FAM120B: variants seen among roughly 807,000 people sequenced by gnomAD.
FAM120B encodes the protein constitutive coactivator of peroxisome proliferator-activated receptor gamma.
Under a neutral mutation model 96.3 loss-of-function variants are expected in FAM120B, and 83 were observed. The observed-to-expected ratio is 0.86, with a 90% CI of 0.72 to 1.03. The LOEUF (loss-of-function observed/expected upper bound fraction) is 1.03, where lower values mean the gene tolerates loss of function less well. Among genes scored for constraint, FAM120B ranks in the 50% least tolerant of loss-of-function variants. The pLI is 0.00. For synonymous variants in FAM120B, 407 were observed against 402.7 expected, an observed-to-expected ratio of 1.01 and a Z score of -0.13; for missense variants, 1,027 against 1,121.2, an observed-to-expected ratio of 0.92 and a Z score of 1.20.
At chr6:170,375,264 A>G (rs1382592569) in intron 6 of FAM120B, among the ~76,000 whole-genome samples, 5 of 152,280 alleles carry the variant, frequency 3.3e-5, no homozygotes, top group African/African-American at 1.2e-4. Context: ...GTAATCACAC[A>G]GCACATAGGC....
intron 5 of FAM120B, among the ~76,000 whole-genome samples, chr6:170,348,994 A>T (rs1787400538): frequency 6.6e-6 from 1 of 152,162 alleles, no homozygotes; most frequent in Admixed American, 6.5e-5. Flanking sequence ...CATTAGCTTT[A>T]TATGTAGTTT....
At chr6:170,392,652 C>T (rs1562595982) in intron 8 of FAM120B, among the ~76,000 whole-genome samples, 1 of 152,228 alleles carries the variant, frequency 6.6e-6, no homozygotes, top group Non-Finnish European at 1.5e-5. Context: ...TAGGAGAACT[C>T]AGCCCAGATT....
chr6:170,404,935 T>C lies in FAM120B; in HGVS notation c.*184T>C, dbSNP rs994259251. 9.4e-5 allele frequency: 26 copies of C among 275,622 alleles called. No homozygotes were observed. Among genetic ancestry groups the C allele is most frequent in the Non-Finnish European group, 1.6e-4 (23 of 147,178 alleles). The allele number at this position is 275,622 out of a possible 1,614,324, so 17.1% of individuals were successfully genotyped here. ...CCCTCCCATTGTGCAGAAGAGCTTT[T>C]GTTGGCTTCTCTCCCGAGCTTGTGC... On this transcript the variant is annotated 3_prime_UTR_variant, in exon 11 of 11. Transcript: ENST00000476287.
At chr6:170,399,281 G>A (rs1418618869) in intron 9 of FAM120B, among the ~76,000 whole-genome samples, 1 of 146,774 alleles carries the variant, frequency 6.8e-6, no homozygotes, top group African/African-American at 2.6e-5. Context: ...ACTCTTAGTA[G>A]TGAGTGGGGA....
intron 5 of FAM120B, among the ~76,000 whole-genome samples, chr6:170,356,720 T>C (rs779631814): frequency 3.9e-5 from 6 of 152,118 alleles, no homozygotes; most frequent in Non-Finnish European, 8.8e-5. Flanking sequence ...AAAATCCACA[T>C]ATAAGTGAAC....
intron 6 of FAM120B, among the ~76,000 whole-genome samples, chr6:170,380,778 T>C (rs1789857689): frequency 6.6e-6 from 1 of 152,238 alleles, no homozygotes; most frequent in African/African-American, 2.4e-5. Flanking sequence ...TTGCAAATAT[T>C]TTCTCCCAGT....
At chr6:170,327,883 G>T (rs554816058) in intron 3 of FAM120B, among the ~76,000 whole-genome samples, 32 of 142,458 alleles carry the variant, frequency 2.2e-4, no homozygotes, top group African/African-American at 4.0e-4. Flanking sequence ...GGACATGACC[G>T]TGTTGCTGTA....
intron 6 of FAM120B, among the ~76,000 whole-genome samples, chr6:170,380,455 T>G (rs1209340130): frequency 6.6e-6 from 1 of 152,230 alleles, no homozygotes; most frequent in Non-Finnish European, 1.5e-5. Context: ...CTGTGCCAAT[T>G]TACATGCCCA....
rs761163862 is a variant in FAM120B at position 170,405,923 on chromosome 6, G to A, written c.*1172G>A. 1.3e-5 allele frequency: 2 copies of A among 152,196 alleles called. No individual in the cohort carries two copies. Among genetic ancestry groups the A allele is most frequent in the East Asian group, 1.9e-4 (1 of 5,196 alleles). The allele number at this position is 152,196 out of a possible 1,614,324, so 9.4% of individuals were successfully genotyped here. On this transcript the variant is annotated 3_prime_UTR_variant, in exon 11 of 11. Transcript: ENST00000476287. The stretch of plus-strand genomic sequence containing the variant: ...AGAGAGCATGCTGAGAGCAGCCAGC[G>A]GCTGGGCTGCCATCAGGCCTGGTTT...
intron 6 of FAM120B, among the ~76,000 whole-genome samples, chr6:170,361,824 C>T (rs932253349): frequency 2.0e-5 from 3 of 152,146 alleles, no homozygotes; most frequent in Admixed American, 6.5e-5. Context: ...GACAGAGCCT[C>T]GCTCTGTTGC....
intron 3 of FAM120B, among the ~76,000 whole-genome samples, chr6:170,328,568 T>C (rs1785766367): frequency 6.6e-6 from 1 of 152,226 alleles, no homozygotes; most frequent in African/African-American, 2.4e-5. Flanking sequence ...TAGCTGTCTT[T>C]GCAATTCCTC....
intron 6 of FAM120B, among the ~76,000 whole-genome samples, chr6:170,373,723 A>C (rs1249054474): frequency 6.6e-6 from 1 of 152,218 alleles, no homozygotes; most frequent in African/African-American, 2.4e-5. Context: ...GAAAAGTAAA[A>C]GCACAAGGCA....
intron 6 of FAM120B, among the ~76,000 whole-genome samples, chr6:170,359,255 G>A (rs1235289954): frequency 6.6e-6 from 1 of 152,018 alleles, no homozygotes; most frequent in East Asian, 1.9e-4. Flanking sequence ...ACAAAAATTA[G>A]CCAGGTGTGT....
chr6:170,294,271 A>G (rs1197466684), upstream of FAM120B, among the ~76,000 whole-genome samples: 1 of 152,194 alleles, frequency 6.6e-6, no homozygotes, highest in Non-Finnish European at 1.5e-5. The surrounding 1 kb of genome is among the most constrained non-coding windows in gnomAD (Gnocchi z 7.9). Flanking sequence ...ATACTTTTTT[A>G]TGTCTCAGGA....
At chr6:170,312,212 G>A (rs74733123) in intron 1 of FAM120B, among the ~76,000 whole-genome samples, 174 of 152,164 alleles carry the variant, frequency 1.1e-3, no homozygotes, top group Admixed American at 2.1e-3. Context: ...ATTTTTTCTT[G>A]TGTTTTCTCT....
chr6:170,405,671 T>G lies in FAM120B; in HGVS notation c.*920T>G, dbSNP rs993457397. The G allele has an allele frequency of 1.3e-5, 2 of 152,186 alleles. No individual in the cohort carries two copies. Among genetic ancestry groups the G allele is most frequent in the Non-Finnish European group, 2.9e-5 (2 of 68,038 alleles). The allele number at this position is 152,186 out of a possible 1,614,324, so 9.4% of individuals were successfully genotyped here. A position where few individuals can be genotyped will look rare whatever the true frequency, so the allele number is the denominator to read the frequency against. On this transcript the variant is annotated 3_prime_UTR_variant, in exon 11 of 11. Transcript: ENST00000476287. ...TATGTGTTCTCTTGGTCCTCAGAAG[T>G]GTTTGAATAGAAAAGTAACAACTAA...
In FAM120B at chr6:170,358,317, A is replaced by T; in HGVS notation, c.2282A>T (p.Gln761Leu). ...GKSTSQLVNLQPDYINPRAVQ... is the reference protein window; with the variant it reads ...GKSTSQLVNLLPDYINPRAVQ... Reference sequence around the variant, plus strand: ...TCCACCTCGCAGCTTGTAAATCTACAGGTACAGACGTGACCAGTTAGTTGT... The same window carrying T: ...TCCACCTCGCAGCTTGTAAATCTACTGGTACAGACGTGACCAGTTAGTTGT... Residue 761 changes from glutamine (Q) to leucine (L), a missense_variant and splice_region_variant, in exon 6 of 11, where the codon CAG (glutamine) becomes CTG (leucine). Gln to Leu is a moderately radical substitution (Grantham distance 113, BLOSUM62 -2). Around this residue, in one of 3 missense-constraint regions of FAM120B, gnomAD observed 880 missense variants for 980.9 expected, o/e 0.90. Coordinates refer to ENST00000476287, the MANE Select transcript of FAM120B (RefSeq NM_032448.3). 1 of 1,601,398 alleles carries T rather than the reference A, an allele frequency of 6.2e-7. No homozygotes were observed. Among genetic ancestry groups the T allele is most frequent in the Non-Finnish European group, 8.5e-7 (1 of 1,171,354 alleles).
chr6:170,324,229 A>T (rs1042589429), intron 3 of FAM120B, among the ~76,000 whole-genome samples: 1 of 152,194 alleles, frequency 6.6e-6, no homozygotes, highest in Admixed American at 6.5e-5. Flanking sequence ...TTTTTGGATG[A>T]TGGGGCTCAG....
At chr6:170,293,999 G>GGGGAC (rs1411203305), upstream of FAM120B, among the ~76,000 whole-genome samples, 8 of 152,178 alleles carry the variant, frequency 5.3e-5, no homozygotes. Context: ...TCGAGCTGGA[G>GGGGAC]GGGACGACAC....
Sources: allele counts gnomAD v4.1 joint callset (sites outside exome capture counted in the v4.1 genomes callset), GRCh38; gene constraint gnomAD v4.1.1; regional missense constraint gnomAD v4.1.1; non-coding constraint Gnocchi (gnomAD v3.1); transcripts MANE v1.5; gene names NCBI Gene and HGNC (gene_info 2026-07-23, HGNC 2026-07-21).